SNRK: variants seen among roughly 807,000 people sequenced by gnomAD.
SNRK encodes the protein SNF-related serine/threonine-protein kinase.
SNRK carries 3 observed loss-of-function variants against 48.2 expected under a neutral mutation model. The observed-to-expected ratio is 0.06, with a 90% CI of 0.03 to 0.16. SNRK has a LOEUF of 0.16. Among genes scored for constraint, SNRK ranks in the 10% least tolerant of loss-of-function variants. The pLI is 1.00. For synonymous variants in SNRK, 376 were observed against 366.1 expected, an observed-to-expected ratio of 1.03 and a Z score of -0.31; for missense variants, 627 against 976.0, an observed-to-expected ratio of 0.64 and a Z score of 4.76.
At chr3:43,326,361 C>T (rs1190922247) in intron 3 of SNRK, among the ~76,000 whole-genome samples, 1 of 151,952 alleles carries the variant, frequency 6.6e-6, no homozygotes, top group Non-Finnish European at 1.5e-5. Flanking sequence ...TTTGAGGGGG[C>T]CCCACAATAT....
chr3:43,286,587 T>C lies in SNRK; in HGVS notation c.-257T>C, dbSNP rs965643485. 6.7e-6 allele frequency: 1 copy of C among 150,098 alleles called. No individual in the cohort carries two copies. Among genetic ancestry groups the C allele is most frequent in the Non-Finnish European group, 1.5e-5 (1 of 67,272 alleles). 9.3% of individuals were successfully genotyped at this position (150,098 alleles called of 1,614,324 possible). On this transcript the variant is annotated 5_prime_UTR_variant, in exon 1 of 7. The change abolishes an upstream ATG in the 5' untranslated region. Transcript: ENST00000296088. ...GCGGCCGGCAGCCCGCTCGGTATTA[T>C]GATTAGCGCTGGGTGCGGGGTTTCG...
At chr3:43,294,114 C>G (rs73831241) in intron 1 of SNRK, among the ~76,000 whole-genome samples, 3,809 of 152,138 alleles carry the variant, frequency 0.025, 164 homozygotes, top group African/African-American at 0.085. Context: ...ATTTGATTTT[C>G]TTTTGCATGT....
In SNRK at chr3:43,303,527, G is replaced by A. The variant is rs2090913484; in HGVS notation, c.324G>A (p.Glu108=). The change falls in exon 3 of 7, where the codon GAG becomes GAA. Residue 108 remains glutamate (E), a synonymous_variant. Coordinates refer to ENST00000296088, the MANE Select transcript of SNRK (RefSeq NM_017719.5). This position sits in a 1 kb window ranked among gnomAD's most constrained non-coding sequence, Gnocchi z 6.2. ...GDMFDYIMKH[E]EGLNEDLAKK... ...TGTTTGATTATATAATGAAACATGA[G>A]GAGGGTCTTAATGAAGACTTGGCCA... is the stretch of plus-strand genomic sequence containing the variant. 6.2e-7 allele frequency: 1 copy of A among 1,614,104 alleles called. No individual in the cohort carries two copies. The highest frequency in any genetic ancestry group is 1.1e-5 in the South Asian group (1 of 91,082).
At chr3:43,299,185 T>G (rs1299001266) in intron 1 of SNRK, among the ~76,000 whole-genome samples, 2 of 152,170 alleles carry the variant, frequency 1.3e-5, no homozygotes, top group Non-Finnish European at 2.9e-5. Context: ...TTCATTATTA[T>G]TATTATTTTT....
At position 43,293,202 on chromosome 3, in the gene SNRK, C is replaced by T. The variant is rs937771803; in HGVS notation, c.-169+6527C>T. Among the ~76,000 whole-genome samples the T allele has an allele frequency of 3.2e-4, 49 of 152,034 alleles. 1 individual carries two copies. Among genetic ancestry groups the T allele is most frequent in the Non-Finnish European group, 1.6e-4 (11 of 68,020 alleles). The stretch of plus-strand genomic sequence containing the variant: ...CACTACAGCATGGATTCTTGAGCTC[C>T]GGTGATCAGCCTGCCTCAGCTTCCC... On this transcript the variant is annotated intron_variant, in intron 1 of 6. Transcript: ENST00000296088.
chr3:43,339,617 A>T (rs939916445), intron 4 of SNRK, among the ~76,000 whole-genome samples: 4 of 151,612 alleles, frequency 2.6e-5, no homozygotes, highest in African/African-American at 9.7e-5. Context: ...GGAGATCAAG[A>T]CCATCCTGGC....
intron 1 of SNRK, among the ~76,000 whole-genome samples, chr3:43,294,013 A>C (rs2090833634): frequency 1.3e-5 from 2 of 152,194 alleles, no homozygotes. Context: ...TTCCCCATGA[A>C]ATGTAGTAGC....
At chr3:43,340,246 C>A in intron 4 of SNRK, 41 bp from the exon 5 acceptor site, 1 of 1,467,072 alleles carries the variant, frequency 6.8e-7, no homozygotes, top group Non-Finnish European at 9.6e-7. Context: ...CTGATCCTTG[C>A]AAGCAGTTTG....
At chr3:43,311,216 A>C (rs1412843063) in intron 3 of SNRK, among the ~76,000 whole-genome samples, 2 of 152,182 alleles carry the variant, frequency 1.3e-5, no homozygotes, top group African/African-American at 4.8e-5. Flanking sequence ...CTGCGTGGAC[A>C]TGGTTGGGGC....
rs1366287768 is a variant in SNRK at position 43,340,352 on chromosome 3, A to G, written c.797A>G (p.His266Arg). The G allele has an allele frequency of 6.2e-7, 1 of 1,614,222 alleles. No homozygotes were observed. The highest frequency in any genetic ancestry group is 8.5e-7 in the Non-Finnish European group (1 of 1,180,040). ...GCTTCTTTAGAAGAGATTGAAAATC[A>G]TCCTTGGCTTCAGGGAGTGGACCCT... ...RRASLEEIEN[H>R]PWLQGVDPSP... Residue 266 changes from histidine to arginine, a missense_variant, in exon 5 of 7, where the codon CAT (histidine) becomes CGT (arginine). Around this residue, in one of 4 missense-constraint regions of SNRK, gnomAD observed 147 missense variants for 356.8 expected, o/e 0.41. Transcript: ENST00000296088.
intron 5 of SNRK, among the ~76,000 whole-genome samples, chr3:43,341,398 G>A (rs1031211479): frequency 4.6e-5 from 7 of 152,106 alleles, no homozygotes; most frequent in Admixed American, 2.0e-4. Context: ...TGATCCGCCC[G>A]CCTTGGCCTC....
intron 3 of SNRK, among the ~76,000 whole-genome samples, chr3:43,330,834 C>T (rs923469621): frequency 1.3e-5 from 2 of 152,158 alleles, no homozygotes; most frequent in Non-Finnish European, 2.9e-5. Flanking sequence ...TCCCTTTCAT[C>T]TTCAATTACG....
intron 2 of SNRK, among the ~76,000 whole-genome samples, chr3:43,301,384 A>C (rs963396788): frequency 6.6e-6 from 1 of 152,156 alleles, no homozygotes; most frequent in Non-Finnish European, 1.5e-5. Flanking sequence ...TGGGCTTTGA[A>C]ATGTATTAAT....
At chr3:43,325,172 T>G (rs1177845662) in intron 3 of SNRK, among the ~76,000 whole-genome samples, 1 of 152,246 alleles carries the variant, frequency 6.6e-6, no homozygotes, top group African/African-American at 2.4e-5. Flanking sequence ...TGGTTTTGTT[T>G]TTTTTGTTTT....
At chr3:43,318,677 T>C (rs1443534640) in intron 3 of SNRK, among the ~76,000 whole-genome samples, 1 of 152,172 alleles carries the variant, frequency 6.6e-6, no homozygotes, top group Admixed American at 6.5e-5. Flanking sequence ...TTATTCGCAT[T>C]GCATGTTGCC....
At chr3:43,333,170 G>A (rs1297914660) in intron 4 of SNRK, 1 of 151,838 alleles carries the variant, frequency 6.6e-6, no homozygotes, top group African/African-American at 2.4e-5. Context: ...AGGAGATCGA[G>A]ACCATCCTGA....
At chr3:43,316,059 A>G (rs911577531) in intron 3 of SNRK, among the ~76,000 whole-genome samples, 1 of 152,206 alleles carries the variant, frequency 6.6e-6, no homozygotes, top group African/African-American at 2.4e-5. Flanking sequence ...AAGATTCTTG[A>G]GCATGAAATG....
intron 3 of SNRK, among the ~76,000 whole-genome samples, chr3:43,312,648 A>G (rs764927848): frequency 3.3e-5 from 5 of 152,218 alleles, no homozygotes; most frequent in Non-Finnish European, 7.3e-5. Flanking sequence ...ATAGGAAAAG[A>G]AGAAATAAAA....
chr3:43,311,823 G>A (rs1156859464), intron 3 of SNRK, among the ~76,000 whole-genome samples: 1 of 152,032 alleles, frequency 6.6e-6, no homozygotes, highest in Non-Finnish European at 1.5e-5. Flanking sequence ...GAATTTCTTG[G>A]TAAGTAAAGG....
Sources: allele counts gnomAD v4.1 joint callset (sites outside exome capture counted in the v4.1 genomes callset), GRCh38; gene constraint gnomAD v4.1.1; regional missense constraint gnomAD v4.1.1; non-coding constraint Gnocchi (gnomAD v3.1); transcripts MANE v1.5; gene names NCBI Gene and HGNC (gene_info 2026-07-23, HGNC 2026-07-21).